Variants in RAB31 observed in about 807,000 individuals in gnomAD.
RAB31 encodes the protein RAB31, member RAS oncogene family.
A neutral mutation model predicts 25.6 loss-of-function variants in RAB31; 21 were observed. The observed-to-expected ratio is 0.82, with a 90% CI of 0.58 to 1.18. RAB31 has a LOEUF of 1.18. RAB31 is among the 50% of genes most tolerant of loss of function. The pLI is 0.00. For synonymous variants in RAB31, 87 were observed against 84.0 expected (o/e 1.04, Z -0.20); for missense variants, 196 against 250.1 (o/e 0.78, Z 1.46).
intron 1 of RAB31, among the ~76,000 whole-genome samples, chr18:9,745,221 C>T (rs916216491): frequency 4.6e-5 from 7 of 152,244 alleles, no homozygotes; most frequent in African/African-American, 1.7e-4. Context: ...AGACAAATTC[C>T]TAGACACACA....
At chr18:9,817,832 A>T (rs1266887493) in intron 5 of RAB31, among the ~76,000 whole-genome samples, 1 of 152,200 alleles carries the variant, frequency 6.6e-6, no homozygotes, top group Non-Finnish European at 1.5e-5. Flanking sequence ...TGCCCCAGCT[A>T]ACATAATCTA....
At chr18:9,734,403 T>A (rs1462484112) in intron 1 of RAB31, among the ~76,000 whole-genome samples, 1 of 152,176 alleles carries the variant, frequency 6.6e-6, no homozygotes, top group Admixed American at 6.5e-5. Context: ...CCCGCTGCCT[T>A]TCCTGAACAC....
rs545420736 is a variant in RAB31 at position 9,743,600 on chromosome 18, C to T, written c.40-31678C>T. Among the ~76,000 whole-genome samples, 93 of 152,270 alleles carry T rather than the reference C, an allele frequency of 6.1e-4. 1 individual carries two copies. Among genetic ancestry groups the T allele is most frequent in the African/African-American group, 2.0e-3 (82 of 41,538 alleles). On this transcript the variant is annotated intron_variant, in intron 1 of 6. Transcript: ENST00000578921. ...GGAAAGCTCCTGGGTCCGGCCCTCC[C>T]GGATATGCTTCCTGCCCCAGGGCTT...
intron 1 of RAB31, among the ~76,000 whole-genome samples, chr18:9,775,061 T>C (rs1000029546): frequency 1.3e-5 from 2 of 152,190 alleles, no homozygotes; most frequent in African/African-American, 4.8e-5. Context: ...CTGAAACTGA[T>C]TTTTACCATA....
At chr18:9,724,650 A>G (rs1187554281) in intron 1 of RAB31, among the ~76,000 whole-genome samples, 8 of 152,342 alleles carry the variant, frequency 5.3e-5, no homozygotes, top group South Asian at 2.1e-4. Context: ...GGATTGGTAC[A>G]TAGCCCTGGA....
chr18:9,732,471 A>T (rs2068128553), intron 1 of RAB31, among the ~76,000 whole-genome samples: 1 of 152,190 alleles, frequency 6.6e-6, no homozygotes, highest in South Asian at 2.1e-4. Context: ...CTCTGTTCAC[A>T]ATCTCTGGTC....
At chr18:9,846,262 A>G (rs1476940551) in intron 6 of RAB31, among the ~76,000 whole-genome samples, 2 of 152,222 alleles carry the variant, frequency 1.3e-5, no homozygotes, top group Non-Finnish European at 2.9e-5. Flanking sequence ...TGCTCACTGT[A>G]TGCCGGCTCC....
At chr18:9,791,000 T>C (rs896364868) in intron 2 of RAB31, among the ~76,000 whole-genome samples, 1 of 152,080 alleles carries the variant, frequency 6.6e-6, no homozygotes, top group African/African-American at 2.4e-5. Flanking sequence ...AAAAAGAAAA[T>C]AGTAAGTGTT....
chr18:9,723,944 A>G (rs73383213), intron 1 of RAB31, among the ~76,000 whole-genome samples: 1 of 152,144 alleles, frequency 6.6e-6, no homozygotes, highest in Non-Finnish European at 1.5e-5. Context: ...GTGGGGACAA[A>G]CAGACTACAT....
chr18:9,806,465 A>G (rs1410114483), intron 3 of RAB31, among the ~76,000 whole-genome samples: 2 of 151,666 alleles, frequency 1.3e-5, no homozygotes, highest in African/African-American at 4.8e-5. Context: ...AGGCTGCTAG[A>G]AGGCGTCAGG....
intron 1 of RAB31, among the ~76,000 whole-genome samples, chr18:9,719,420 G>A (rs1223917570): frequency 2.0e-5 from 3 of 147,308 alleles, no homozygotes; most frequent in Non-Finnish European, 4.5e-5. Context: ...GTAGAGGTGA[G>A]GAATACAGGA....
chr18:9,743,822 G>A (rs548498490), intron 1 of RAB31, among the ~76,000 whole-genome samples: 77 of 152,220 alleles, frequency 5.1e-4, no homozygotes, highest in Non-Finnish European at 1.0e-3. Flanking sequence ...TCTTTTGATT[G>A]TTGGTCTCAG....
chr18:9,748,122 A>G (rs2068214859), intron 1 of RAB31, among the ~76,000 whole-genome samples: 1 of 152,176 alleles, frequency 6.6e-6, no homozygotes, highest in African/African-American at 2.4e-5. Context: ...CGCAGAAGCA[A>G]GGTGAGGTGA....
chr18:9,855,441 T>C (rs189735251), intron 6 of RAB31, among the ~76,000 whole-genome samples: 1 of 152,298 alleles, frequency 6.6e-6, no homozygotes, highest in South Asian at 2.1e-4. Flanking sequence ...TTTTTGTATA[T>C]ATTTTTGTCC....
intron 1 of RAB31, chr18:9,757,829 A>G (rs1425369576): frequency 1.3e-5 from 2 of 152,284 alleles, no homozygotes; most frequent in Non-Finnish European, 2.9e-5. Context: ...TGGAGGGCTA[A>G]GATGACTCCA....
chr18:9,742,758 C>T (rs147932162), intron 1 of RAB31, among the ~76,000 whole-genome samples: 116 of 152,298 alleles, frequency 7.6e-4, no homozygotes, highest in African/African-American at 2.5e-3. Context: ...GCAGTGCAGA[C>T]GCCTTCTCCG....
intron 2 of RAB31, among the ~76,000 whole-genome samples, chr18:9,790,137 A>C (rs554767012): frequency 1.3e-4 from 20 of 152,334 alleles, no homozygotes; most frequent in African/African-American, 4.8e-4. Flanking sequence ...GGACACCATG[A>C]TCATACCTAC....
intron 1 of RAB31, among the ~76,000 whole-genome samples, chr18:9,751,238 G>A (rs892154695): frequency 1.3e-5 from 2 of 152,032 alleles, no homozygotes; most frequent in Non-Finnish European, 2.9e-5. Flanking sequence ...ATGAGGTCTT[G>A]CTATGTTGCC....
chr18:9,859,558 G>T lies in RAB31; in HGVS notation c.*233G>T. On this transcript the variant is annotated 3_prime_UTR_variant, in exon 7 of 7. Transcript: ENST00000578921. ...CAAAATGGCCTTTAGTGTATGAAATGCACATGGAGGGGATGTAGTTGCATT... is the reference window on the plus strand; with the variant it reads ...CAAAATGGCCTTTAGTGTATGAAATTCACATGGAGGGGATGTAGTTGCATT... 2.6e-6 allele frequency: 1 copy of T among 377,784 alleles called. No homozygotes were observed. The allele number at this position is 377,784 out of a possible 1,614,324, so 23.4% of individuals were successfully genotyped here.
Sources: gnomAD v4.1 joint callset for allele counts (sites outside exome capture counted in the v4.1 genomes callset) on GRCh38, gnomAD v4.1.1 for gene constraint, MANE v1.5 for transcripts, NCBI Gene and HGNC (gene_info 2026-07-23, HGNC 2026-07-21) for gene names.